The following ATP8A2 variants were observed in gnomAD, a reference collection of about 807,000 sequenced individuals.
ATP8A2 encodes the protein phospholipid-transporting ATPase IB.
In ATP8A2, 100 loss-of-function variants were observed where a neutral mutation model predicts 165.6. The observed-to-expected ratio is 0.60, with a 90% CI of 0.51 to 0.71. The LOEUF (loss-of-function observed/expected upper bound fraction) is 0.71. Ranked by LOEUF, ATP8A2 falls within the 30% of genes least tolerant of loss-of-function variation. ATP8A2 has a pLI of 0.00. For synonymous variants in ATP8A2, 543 were observed against 548.8 expected (o/e 0.99, Z 0.15); for missense variants, 1,227 against 1,479.5 (o/e 0.83, Z 2.80).
At chr13:25,892,460 C>T (rs1953394597) in intron 33 of ATP8A2, among the ~76,000 whole-genome samples, 1 of 149,458 alleles carries the variant, frequency 6.7e-6, no homozygotes, top group Admixed American at 6.7e-5. Flanking sequence ...AAACATTTCT[C>T]TCTCTCTCTG....
chr13:25,613,074 T>C lies in ATP8A2; in HGVS notation c.2211+23375T>C, dbSNP rs143838122. 1.1e-3 allele frequency among the ~76,000 whole-genome samples: 162 copies of C among 152,300 alleles called. 2 individuals carry two copies. Among genetic ancestry groups the C allele is most frequent in the African/African-American group, 3.7e-3 (154 of 41,566 alleles). On this transcript the variant is annotated intron_variant, in intron 24 of 36. Coordinates refer to ENST00000381655, the MANE Select transcript of ATP8A2 (RefSeq NM_016529.6). ...TACTTGGTTGGTGAATTCTTATCCA[T>C]TCTGCCATTCTGTATATTTTAGGTG...
chr13:25,416,182 C>T (rs1039377367), intron 1 of ATP8A2, among the ~76,000 whole-genome samples: 1 of 152,290 alleles, frequency 6.6e-6, no homozygotes, highest in East Asian at 1.9e-4. Context: ...GTGCTCACCT[C>T]CACCCACCCC....
intron 33 of ATP8A2, among the ~76,000 whole-genome samples, chr13:25,934,008 C>A (rs1056630517): frequency 6.6e-6 from 1 of 152,188 alleles, no homozygotes; most frequent in Non-Finnish European, 1.5e-5. Context: ...AGAATGTATG[C>A]TTGTAGCTAA....
intron 35 of ATP8A2, among the ~76,000 whole-genome samples, chr13:26,000,207 C>T (rs1468582454): frequency 6.6e-6 from 1 of 152,172 alleles, no homozygotes; most frequent in Non-Finnish European, 1.5e-5. Context: ...CCTGTCACAT[C>T]TGTGTTTTGC....
At chr13:25,948,080 C>T (rs1263538496) in intron 33 of ATP8A2, among the ~76,000 whole-genome samples, 2 of 152,170 alleles carry the variant, frequency 1.3e-5, no homozygotes, top group African/African-American at 4.8e-5. Context: ...ACCAGCATCA[C>T]TATTAACACT....
chr13:25,526,624 A>G (rs2037850079), intron 2 of ATP8A2, among the ~76,000 whole-genome samples: 1 of 152,144 alleles, frequency 6.6e-6, no homozygotes, highest in African/African-American at 2.4e-5. Flanking sequence ...TAGCCTAGCA[A>G]TGTGGGAAGG....
intron 2 of ATP8A2, among the ~76,000 whole-genome samples, chr13:25,520,118 C>G (rs1181608990): frequency 6.6e-6 from 1 of 152,140 alleles, no homozygotes; most frequent in East Asian, 1.9e-4. Context: ...CTCTTATTTT[C>G]TCTACCTAAC....
At chr13:25,584,533 G>T (rs750023486) in intron 23 of ATP8A2, among the ~76,000 whole-genome samples, 2 of 152,160 alleles carry the variant, frequency 1.3e-5, no homozygotes, top group South Asian at 4.1e-4. Context: ...GGAGTGTCTG[G>T]CAAGTGCCAG....
At chr13:25,752,369 G>A (rs1016513982) in intron 25 of ATP8A2, among the ~76,000 whole-genome samples, 1 of 152,030 alleles carries the variant, frequency 6.6e-6, no homozygotes, top group African/African-American at 2.4e-5. Context: ...ACTGAGGCAG[G>A]AGAATCGCTT....
chr13:25,908,642 C>T (rs1954017554), intron 33 of ATP8A2, among the ~76,000 whole-genome samples: 1 of 152,242 alleles, frequency 6.6e-6, no homozygotes, highest in Non-Finnish European at 1.5e-5. Flanking sequence ...TCACTTGGTT[C>T]AAGCCTCAAG....
intron 27 of ATP8A2, among the ~76,000 whole-genome samples, chr13:25,778,049 T>C (rs548617596): frequency 6.6e-6 from 1 of 152,346 alleles, no homozygotes; most frequent in South Asian, 2.1e-4. Flanking sequence ...CAGTGTATTC[T>C]GGAGACCATT....
intron 1 of ATP8A2, among the ~76,000 whole-genome samples, chr13:25,414,139 C>T (rs2034061632): frequency 6.6e-6 from 1 of 150,592 alleles, no homozygotes; most frequent in Admixed American, 6.6e-5. Context: ...ACTGTGATTA[C>T]AACCTGGCAC....
chr13:25,648,774 A>G (rs1040901593), intron 24 of ATP8A2, among the ~76,000 whole-genome samples: 2 of 152,216 alleles, frequency 1.3e-5, no homozygotes, highest in African/African-American at 4.8e-5. Flanking sequence ...TAATGCAATG[A>G]AAATGCTATG....
intron 7 of ATP8A2, among the ~76,000 whole-genome samples, chr13:25,538,970 A>T (rs1158912122): frequency 1.3e-5 from 2 of 152,144 alleles, no homozygotes; most frequent in African/African-American, 2.4e-5. Context: ...TTGATTGACA[A>T]CAAAGAAACC....
intron 24 of ATP8A2, among the ~76,000 whole-genome samples, chr13:25,655,401 C>T (rs2041906473): frequency 6.6e-6 from 1 of 152,208 alleles, no homozygotes; most frequent in Admixed American, 6.5e-5. Context: ...TCAGGTGATC[C>T]ACCCACCTCG....
chr13:25,530,854 G>A (rs899770493), intron 4 of ATP8A2, among the ~76,000 whole-genome samples, 194 bp downstream of exon 4: 1 of 152,048 alleles, frequency 6.6e-6, no homozygotes, highest in African/African-American at 2.4e-5. Flanking sequence ...ACACTAAACA[G>A]TTCAAACTTT....
intron 35 of ATP8A2, among the ~76,000 whole-genome samples, chr13:25,972,093 T>G (rs1289194756): frequency 2.6e-5 from 4 of 152,158 alleles, no homozygotes; most frequent in Non-Finnish European, 4.4e-5. Flanking sequence ...ACAAAAAAAA[T>G]CTGTATGCAT....
At chr13:25,493,355 T>G (rs1170571624) in intron 2 of ATP8A2, among the ~76,000 whole-genome samples, 1 of 152,176 alleles carries the variant, frequency 6.6e-6, no homozygotes, top group Non-Finnish European at 1.5e-5. Context: ...TGTTTTTAAT[T>G]TTTTGAAGTT....
intron 1 of ATP8A2, among the ~76,000 whole-genome samples, chr13:25,427,963 G>C (rs891953043): frequency 7.9e-5 from 12 of 152,180 alleles, no homozygotes; most frequent in African/African-American, 2.9e-4. Context: ...TTGAGGGGCG[G>C]AGGAGAGCAG....
Sources: allele counts gnomAD v4.1 joint callset (sites outside exome capture counted in the v4.1 genomes callset), GRCh38; gene constraint gnomAD v4.1.1; transcripts MANE v1.5; gene names NCBI Gene and HGNC (gene_info 2026-07-23, HGNC 2026-07-21).